The following CTIF variants were observed in gnomAD, a reference collection of about 807,000 sequenced individuals.
The protein encoded by CTIF is cap binding complex dependent translation initiation factor, also known as CBP80/20-dependent translation initiation factor.
A neutral mutation model predicts 66.0 loss-of-function variants in CTIF; 21 were observed. That is an observed-to-expected ratio of 0.32 (90% CI 0.23 to 0.46). The LOEUF (loss-of-function observed/expected upper bound fraction) is 0.46. Among genes scored for constraint, CTIF ranks in the 20% least tolerant of loss-of-function variants. The probability of loss-of-function intolerance (pLI) is 1.00; values close to 1 mark genes in which losing one functional copy is unlikely to be tolerated. For synonymous variants in CTIF, 345 were observed against 326.4 expected (o/e 1.06, Z -0.62); for missense variants, 739 against 812.7 (o/e 0.91, Z 1.10).
intron 9 of CTIF, among the ~76,000 whole-genome samples, chr18:48,810,078 A>T (rs1172617567): frequency 6.6e-6 from 1 of 152,090 alleles, no homozygotes; most frequent in African/African-American, 2.4e-5. Context: ...ATGTAATTTT[A>T]AATTTAATAA....
intron 10 of CTIF, among the ~76,000 whole-genome samples, chr18:48,837,626 C>T (rs2146512329): frequency 6.6e-6 from 1 of 152,264 alleles, no homozygotes; most frequent in South Asian, 2.1e-4. Flanking sequence ...CCTGAAGAGA[C>T]ATTTTTCTCA....
chr18:48,573,642 G>T (rs191592780), intron 1 of CTIF, among the ~76,000 whole-genome samples: 1 of 152,200 alleles, frequency 6.6e-6, no homozygotes, highest in Non-Finnish European at 1.5e-5. Flanking sequence ...GTTAATGAAG[G>T]CAGGTTTCTG....
intron 9 of CTIF, among the ~76,000 whole-genome samples, chr18:48,771,330 T>A (rs1028953511): frequency 1.3e-5 from 2 of 152,210 alleles, no homozygotes; most frequent in Non-Finnish European, 2.9e-5. Flanking sequence ...CCACAAGGTA[T>A]TCATCAGGCA....
At chr18:48,719,252 G>A (rs2092310556) in intron 7 of CTIF, among the ~76,000 whole-genome samples, 1 of 152,160 alleles carries the variant, frequency 6.6e-6, no homozygotes, top group Admixed American at 6.5e-5. Context: ...TCATGGGCAA[G>A]GACTCTGGGG....
At chr18:48,782,249 G>C (rs1428793998) in intron 9 of CTIF, among the ~76,000 whole-genome samples, 1 of 151,704 alleles carries the variant, frequency 6.6e-6, no homozygotes, top group Admixed American at 6.6e-5. Context: ...GGCCTGGGTT[G>C]GGCATGGACT....
chr18:48,781,594 G>A (rs994312303), intron 9 of CTIF, among the ~76,000 whole-genome samples: 5 of 152,152 alleles, frequency 3.3e-5, no homozygotes, highest in Non-Finnish European at 1.5e-5. Flanking sequence ...TTTTGTTCTG[G>A]GTTGTGAAAG....
intron 1 of CTIF, among the ~76,000 whole-genome samples, chr18:48,617,362 C>T (rs2090418350): frequency 6.6e-6 from 1 of 152,250 alleles, no homozygotes; most frequent in South Asian, 2.1e-4. Flanking sequence ...AATAGTCTCT[C>T]TATCTTAAAG....
intron 1 of CTIF, among the ~76,000 whole-genome samples, chr18:48,618,579 G>T (rs950069802): frequency 1.3e-5 from 2 of 152,172 alleles, no homozygotes; most frequent in Admixed American, 6.5e-5. Context: ...GGTGAGAAAG[G>T]TTCTAGCTTT....
At chr18:48,713,404 G>A (rs1384844948) in intron 7 of CTIF, among the ~76,000 whole-genome samples, 2 of 152,138 alleles carry the variant, frequency 1.3e-5, no homozygotes, top group African/African-American at 2.4e-5. Flanking sequence ...TCTGGGCCAG[G>A]TCACCTCACT....
chr18:48,693,196 G>A (rs1015912444), intron 6 of CTIF, among the ~76,000 whole-genome samples: 17 of 152,174 alleles, frequency 1.1e-4, no homozygotes, highest in Non-Finnish European at 1.6e-4. Flanking sequence ...CAGCATCAGC[G>A]GAGGGTGGCC....
Position 48,808,172 on chromosome 18 carries a change from A to G in CTIF, c.1372-9049A>G, listed in dbSNP as rs146652405. 1.9e-3 allele frequency among the ~76,000 whole-genome samples: 295 copies of G among 152,272 alleles called. 2 individuals are homozygous for G. The highest frequency in any genetic ancestry group is 6.7e-3 in the African/African-American group (280 of 41,550). ...AATTACCATTTTAAGTTGTCCTTATATATATAGATGGGAAAAAGACGTTTT... is the reference window on the plus strand; with the variant it reads ...AATTACCATTTTAAGTTGTCCTTATGTATATAGATGGGAAAAAGACGTTTT... On this transcript the variant is annotated intron_variant, in intron 9 of 11. Coordinates refer to ENST00000256413, the MANE Select transcript of CTIF (RefSeq NM_014772.3).
intron 2 of CTIF, chr18:48,625,075 C>T (rs299711): frequency 0.84 from 204,109 of 243,296 alleles, 86,162 homozygotes; most frequent in Admixed American, 0.9. Flanking sequence ...CTCTTTACGT[C>T]TCTCCTTTCA....
chr18:48,730,180 G>A (rs1443217932), intron 7 of CTIF, among the ~76,000 whole-genome samples: 1 of 152,100 alleles, frequency 6.6e-6, no homozygotes, highest in Non-Finnish European at 1.5e-5. Flanking sequence ...TCCACAGTGT[G>A]AGGGGCCCCC....
chr18:48,674,402 C>T (rs766939091), intron 6 of CTIF, among the ~76,000 whole-genome samples: 3 of 152,344 alleles, frequency 2.0e-5, no homozygotes, highest in Non-Finnish European at 2.9e-5. Flanking sequence ...AAGCAGAGGG[C>T]GCCATGGGCC....
intron 6 of CTIF, among the ~76,000 whole-genome samples, chr18:48,692,330 C>CA (rs57466402): frequency 2.9e-5 from 4 of 138,660 alleles, no homozygotes; most frequent in Non-Finnish European, 6.3e-5. Flanking sequence ...AAACAAAAAA[C>CA]AAAAAACAAA....
chr18:48,755,864 C>T (rs1319674655), intron 7 of CTIF: 1 of 152,110 alleles, frequency 6.6e-6, no homozygotes, highest in African/African-American at 2.4e-5. Flanking sequence ...ACCTTGGACA[C>T]TGTATATAAA....
At chr18:48,851,419 C>T (rs2069197659) in intron 10 of CTIF, among the ~76,000 whole-genome samples, 1 of 152,204 alleles carries the variant, frequency 6.6e-6, no homozygotes, top group African/African-American at 2.4e-5. Flanking sequence ...CGCTCACTGT[C>T]AACACCCCTG....
At chr18:48,637,982 G>A (rs2090854846) in intron 3 of CTIF, among the ~76,000 whole-genome samples, 1 of 152,104 alleles carries the variant, frequency 6.6e-6, no homozygotes. Context: ...GAGTCCCACG[G>A]AGGTGCCACT....
intron 3 of CTIF, chr18:48,661,928 A>G (rs1027668920): frequency 6.6e-6 from 1 of 152,272 alleles, no homozygotes; most frequent in African/African-American, 2.4e-5. Flanking sequence ...CTCTTGCAGT[A>G]TATGTCAGGA....
Sources: gnomAD v4.1 joint callset for allele counts (sites outside exome capture counted in the v4.1 genomes callset) on GRCh38, gnomAD v4.1.1 for gene constraint, MANE v1.5 for transcripts, NCBI Gene and HGNC (gene_info 2026-07-23, HGNC 2026-07-21) for gene names.